Variants in TNIP3 observed in about 807,000 individuals in gnomAD.
TNIP3 encodes the protein TNFAIP3 interacting protein 3.
Under a neutral mutation model 54.1 loss-of-function variants are expected in TNIP3, and 34 were observed. The ratio of observed to expected loss-of-function variants is 0.63; its 90% CI spans 0.48 to 0.84. The LOEUF is 0.84. Among genes scored for constraint, TNIP3 ranks in the 40% least tolerant of loss-of-function variants. The probability of loss-of-function intolerance (pLI) is 0.00; values close to 1 mark genes in which losing one functional copy is unlikely to be tolerated. For synonymous variants in TNIP3, 134 were observed against 136.8 expected (o/e 0.98, Z 0.14); for missense variants, 366 against 387.6 (o/e 0.94, Z 0.47).
rs201805651 is a variant in TNIP3, at chr4:121,187,944, C to CT, written c.69-5149dup. 9.0e-3 allele frequency among the ~76,000 whole-genome samples: 1,367 copies of CT among 151,754 alleles called. 24 individuals carry two copies. Among genetic ancestry groups the CT allele is most frequent in the African/African-American group, 0.031 (1,285 of 41,374 alleles). On this transcript the variant is annotated intron_variant, in intron 2 of 12. Transcript: ENST00000507879. ...ACTTTTACTATGTTTTCTTTCTTTC[C>CT]TTTTTTTTAACCATCCAGGAATTAT...
chr4:121,225,320 A>T (rs1048137352), intron 1 of TNIP3, among the ~76,000 whole-genome samples: 1 of 152,164 alleles, frequency 6.6e-6, no homozygotes, highest in Non-Finnish European at 1.5e-5. Flanking sequence ...CCCCCATATG[A>T]TGTCTTTGTT....
intron 2 of TNIP3, among the ~76,000 whole-genome samples, chr4:121,159,071 C>T (rs762884922): frequency 8.5e-5 from 13 of 152,084 alleles, no homozygotes; most frequent in Non-Finnish European, 1.5e-4. Flanking sequence ...GGTGACATCC[C>T]GTCTCTACTA....
Position 121,157,112 on chromosome 4 carries a change from G to A in TNIP3, c.345C>T (p.Asp115=). ...EDDRQRDLTR[D]RLQREEKEKE... ...CGCCCACCTCCTCCCGCTGCAGCCG[G>A]TCCCGGGTCAGGTCGCGCTGCCTGT... Residue 115 remains aspartate, a synonymous_variant, in exon 4 of 11, where the codon GAC becomes GAT. Coordinates refer to ENST00000057513, the MANE Select transcript of TNIP3 (RefSeq NM_024873.6). The A allele has an allele frequency of 6.2e-7, 1 of 1,611,350 alleles. No individual in the cohort carries two copies. Among genetic ancestry groups the A allele is most frequent in the Non-Finnish European group, 8.5e-7 (1 of 1,177,814 alleles).
intron 2 of TNIP3, among the ~76,000 whole-genome samples, chr4:121,195,472 G>A (rs1413984614): frequency 6.6e-6 from 1 of 152,156 alleles, no homozygotes; most frequent in East Asian, 1.9e-4. Context: ...TGATTATAGA[G>A]AGTGGACCAT....
At chr4:121,149,532 C>T (rs1729617848) in intron 6 of TNIP3, among the ~76,000 whole-genome samples, 1 of 152,124 alleles carries the variant, frequency 6.6e-6, no homozygotes, top group Non-Finnish European at 1.5e-5. Context: ...TTTGGAAGGC[C>T]GAGGCAGGTG....
At chr4:121,161,322 A>T (rs1438394832) in intron 1 of TNIP3, 106 bp from the exon 2 acceptor site, 3 of 892,464 alleles carry the variant, frequency 3.4e-6, no homozygotes, top group Non-Finnish European at 5.0e-6. Flanking sequence ...TCCTGTTGCG[A>T]TTTAAAAAAT....
chr4:121,165,880 C>T (rs1730739561), upstream of TNIP3, among the ~76,000 whole-genome samples: 1 of 152,154 alleles, frequency 6.6e-6, no homozygotes, highest in South Asian at 2.1e-4. Context: ...CCTGAACTGA[C>T]ACTTTATCAA....
chr4:121,153,742 G>T (rs989714209), intron 5 of TNIP3, among the ~76,000 whole-genome samples: 2 of 152,006 alleles, frequency 1.3e-5, no homozygotes, highest in African/African-American at 4.8e-5. Context: ...TACAATCATG[G>T]GCATGTGGTC....
At chr4:121,204,237 A>G (rs1487489572) in intron 2 of TNIP3, among the ~76,000 whole-genome samples, 1 of 152,166 alleles carries the variant, frequency 6.6e-6, no homozygotes, top group Non-Finnish European at 1.5e-5. Context: ...CAATCTATTC[A>G]AAGTCACCCC....
intron 7 of TNIP3, among the ~76,000 whole-genome samples, chr4:121,146,420 T>G (rs1282705252): frequency 6.6e-6 from 1 of 152,226 alleles, no homozygotes. Context: ...TAAGGCAAAA[T>G]TATGTTAGCT....
At position 121,145,979 on chromosome 4, in the gene TNIP3, T is replaced by TAA. The variant is rs546016749; in HGVS notation, c.735+1068_735+1069dup. On this transcript the variant is annotated intron_variant, in intron 7 of 10. Coordinates refer to ENST00000057513, the MANE Select transcript of TNIP3 (RefSeq NM_024873.6). ...GCAACAAGAGCAAAACACCATCTCATAAAAAAAAAAAGAGAGAGAGAGAAT... is the reference window on the plus strand; with the variant it reads ...GCAACAAGAGCAAAACACCATCTCATAAAAAAAAAAAAAGAGAGAGAGAGAAT... Among the ~76,000 whole-genome samples the TAA allele has an allele frequency of 7.3e-3, 1,007 of 137,468 alleles. 8 individuals carry two copies. The highest frequency in any genetic ancestry group is 0.025 in the African/African-American group (946 of 38,074). The allele number at this position is 137,468 out of a possible 152,430, so 90.2% of individuals were successfully genotyped here. A position where few individuals can be genotyped will look rare whatever the true frequency, so the allele number is the denominator to read the frequency against.
chr4:121,141,405 C>T (rs1265821825), intron 9 of TNIP3, among the ~76,000 whole-genome samples: 2 of 152,160 alleles, frequency 1.3e-5, no homozygotes, highest in Admixed American at 6.6e-5. Context: ...ATCTATTTTG[C>T]ACATATGTAG....
At chr4:121,178,418 A>G (rs1724484303) in intron 3 of TNIP3, among the ~76,000 whole-genome samples, 1 of 152,240 alleles carries the variant, frequency 6.6e-6, no homozygotes, top group Non-Finnish European at 1.5e-5. Flanking sequence ...TAAAGTTGGA[A>G]AAGAAGAAGT....
At chr4:121,158,014 T>C (rs1295443658) in intron 3 of TNIP3, among the ~76,000 whole-genome samples, 1 of 152,176 alleles carries the variant, frequency 6.6e-6, no homozygotes, top group Non-Finnish European at 1.5e-5. Flanking sequence ...AAAGGAAAAA[T>C]GCTGCTATAT....
At position 121,132,669 on chromosome 4, in the gene TNIP3, A is replaced by G. The variant is rs764314812; in HGVS notation, c.947-7T>C. ...TTCTTTACTGAGGATAAACCTATGG[A>G]AAACAGTAGGAAAATGTTTTAGATT... On this transcript the variant is annotated splice_region_variant and splice_polypyrimidine_tract_variant and intron_variant, in intron 10 of 10. Transcript: ENST00000057513. 1.2e-6 allele frequency: 2 copies of G among 1,608,962 alleles called. No homozygotes were observed. The highest frequency in any genetic ancestry group is 1.7e-6 in the Non-Finnish European group (2 of 1,175,496).
At chr4:121,143,300 ACT>A in intron 7 of TNIP3, among the ~76,000 whole-genome samples, 1 of 152,186 alleles carries the variant, frequency 6.6e-6, no homozygotes, top group South Asian at 2.1e-4. Flanking sequence ...ACAGCTTCTC[ACT>A]ACTTAAGGCC....
At chr4:121,149,659 G>A (rs750179625) in intron 6 of TNIP3, among the ~76,000 whole-genome samples, 4 of 152,114 alleles carry the variant, frequency 2.6e-5, no homozygotes, top group Non-Finnish European at 4.4e-5. Flanking sequence ...CCAGCTACTC[G>A]GGAGGCTGAG....
At chr4:121,160,049 G>T (rs1730353056) in intron 2 of TNIP3, among the ~76,000 whole-genome samples, 1 of 152,154 alleles carries the variant, frequency 6.6e-6, no homozygotes, top group Admixed American at 6.5e-5. Context: ...GGATTCCCAT[G>T]TGTATACTAT....
intron 1 of TNIP3, among the ~76,000 whole-genome samples, chr4:121,222,894 C>A (rs1179062831): frequency 6.6e-6 from 1 of 150,860 alleles, no homozygotes; most frequent in African/African-American, 2.4e-5. Flanking sequence ...CAAGCTCCGC[C>A]TCCCAGGTTC....
Sources: allele counts gnomAD v4.1 joint callset (sites outside exome capture counted in the v4.1 genomes callset), GRCh38; gene constraint gnomAD v4.1.1; transcripts MANE v1.5; gene names NCBI Gene and HGNC (gene_info 2026-07-23, HGNC 2026-07-21).